Variants in SLC4A8 observed in about 807,000 individuals in gnomAD.
The protein encoded by SLC4A8 is solute carrier family 4 member 8.
In SLC4A8, 40 loss-of-function variants were observed where a neutral mutation model predicts 125.0. The observed-to-expected ratio is 0.32, with a 90% confidence interval of 0.25 to 0.42. The LOEUF is 0.42. Ranked by LOEUF, SLC4A8 falls within the 10% of genes least tolerant of loss-of-function variation. SLC4A8 has a pLI of 1.00. For synonymous variants in SLC4A8, 456 were observed against 476.0 expected, an observed-to-expected ratio of 0.96 and a Z score of 0.55; for missense variants, 863 against 1,355.1, an observed-to-expected ratio of 0.64 and a Z score of 5.70.
chr12:51,440,624 C>A, intron 1 of SLC4A8, 84 bp from the exon 2 acceptor site: 2 of 1,022,470 alleles, frequency 2.0e-6, no homozygotes, highest in Non-Finnish European at 1.5e-6. Context: ...CCGTAAGTAT[C>A]TCAAAAGGAT....
chr12:51,430,449 A>G (rs1949151501), intron 1 of SLC4A8, among the ~76,000 whole-genome samples: 1 of 152,134 alleles, frequency 6.6e-6, no homozygotes, highest in Non-Finnish European at 1.5e-5. Context: ...TCAACTGTAG[A>G]TAGCAGTTTC....
Position 51,505,877 on chromosome 12 carries a change from A to G in SLC4A8, c.3216A>G (p.Lys1072=). 6.3e-7 allele frequency: 1 copy of G among 1,591,890 alleles called. No homozygotes were observed. Among genetic ancestry groups the G allele is most frequent in the East Asian group, 2.2e-5 (1 of 44,794 alleles). The change falls in exon 24 of 25, where the codon AAA becomes AAG. Residue 1072 remains lysine, a synonymous_variant. Coordinates refer to ENST00000453097, the MANE Select transcript of SLC4A8 (RefSeq NM_001039960.3). ...SEINISDEMP[K]TTVWKALSMN... is the part of the protein sequence containing the mutation. ...TTAATATATCTGATGAAATGCCTAA[A>G]ACTACAGTTTGGAAAGCTCTCAGTA...
chr12:51,403,271 G>A (rs1948427330), intron 1 of SLC4A8: 1 of 456,208 alleles, frequency 2.2e-6, no homozygotes, highest in Admixed American at 2.4e-5. Context: ...CTGAACAGAA[G>A]GATCAGTGGA....
rs1013283062 is a variant in SLC4A8 at position 51,514,670 on chromosome 12, T to C, written c.*7232T>C. 5.3e-5 allele frequency: 8 copies of C among 152,174 alleles called. No homozygotes were observed. The highest frequency in any genetic ancestry group is 1.0e-4 in the Non-Finnish European group (7 of 68,036). 9.4% of individuals were successfully genotyped at this position (152,174 alleles called of 1,614,324 possible). On this transcript the variant is annotated 3_prime_UTR_variant, in exon 25 of 25. Coordinates refer to ENST00000453097, the MANE Select transcript of SLC4A8 (RefSeq NM_001039960.3). ...CAGAAAAGCACATCTCAAAGCCAAA[T>C]AGAAATGATTTTCTACTAAGCCTAT...
chr12:51,474,426 C>T lies in SLC4A8; in HGVS notation c.1989C>T (p.His663=), dbSNP rs766807602. The change falls in exon 15 of 25, where the codon CAC becomes CAT. Residue 663 remains histidine, a synonymous_variant. Transcript: ENST00000453097. ...ACAACATCGTGACAGCAGAAGTCCA[C>T]TGGGCTAACCTGACTGTCAGTGTAA... ...KDHNIVTAEV[H]WANLTVSECQ... The T allele has an allele frequency of 1.2e-6, 2 of 1,613,602 alleles. No individual in the cohort carries two copies. Among genetic ancestry groups the T allele is most frequent in the Admixed American group, 1.7e-5 (1 of 60,014 alleles).
intron 1 of SLC4A8, among the ~76,000 whole-genome samples, chr12:51,410,645 A>C (rs866666626): frequency 2.6e-5 from 4 of 152,034 alleles, no homozygotes; most frequent in Non-Finnish European, 5.9e-5. Flanking sequence ...TTTTTAGTAG[A>C]GACGGGGTTT....
chr12:51,432,270 G>C (rs1424920505), intron 1 of SLC4A8, among the ~76,000 whole-genome samples: 2 of 151,720 alleles, frequency 1.3e-5, no homozygotes, highest in South Asian at 4.2e-4. Context: ...AATTAGCCGG[G>C]TGTGGTGGCG....
intron 22 of SLC4A8, among the ~76,000 whole-genome samples, chr12:51,501,064 C>A (rs1443827377): frequency 1.3e-5 from 2 of 152,124 alleles, no homozygotes; most frequent in East Asian, 3.8e-4. Flanking sequence ...CTCCTGACCT[C>A]GTGATCCGCC....
At chr12:51,440,299 C>A (rs1949552647) in intron 1 of SLC4A8, among the ~76,000 whole-genome samples, 1 of 152,144 alleles carries the variant, frequency 6.6e-6, no homozygotes, top group East Asian at 1.9e-4. Context: ...CTAGTAATCC[C>A]AGCTGCTCTG....
intron 1 of SLC4A8, among the ~76,000 whole-genome samples, chr12:51,396,267 G>T (rs1458558528): frequency 6.6e-6 from 1 of 152,118 alleles, no homozygotes; most frequent in Non-Finnish European, 1.5e-5. Context: ...TGCTCCATGT[G>T]TTAGCCTCTA....
intron 22 of SLC4A8, among the ~76,000 whole-genome samples, chr12:51,503,458 A>G (rs982766469): frequency 5.9e-5 from 9 of 151,782 alleles, no homozygotes; most frequent in African/African-American, 2.2e-4. Flanking sequence ...TGATCTGCCC[A>G]CCTCAGCCTC....
At chr12:51,396,683 A>T (rs1003692063) in intron 1 of SLC4A8, among the ~76,000 whole-genome samples, 14 of 2,508 alleles carry the variant, frequency 5.6e-3, no homozygotes, top group East Asian at 0.035. Flanking sequence ...TCTTTATTTA[A>T]AAAAAAAAAA....
In SLC4A8 at chr12:51,459,158, C is replaced by G. The variant is rs564251958; in HGVS notation, c.855+508C>G. Among the ~76,000 whole-genome samples, 10 of 152,306 alleles carry G rather than the reference C, an allele frequency of 6.6e-5. No homozygotes were observed. In the East Asian group the frequency reaches 1.9e-3, roughly 29 times the overall value. On this transcript the variant is annotated intron_variant, in intron 7 of 24. Transcript: ENST00000453097. ...TCTCCCTGCCTCCAGCCTCTCCTTG[C>G]TCTGGTCTATCTTTGACACTGTGTT... is the stretch of plus-strand genomic sequence containing the variant.
chr12:51,478,230 G>A (rs185515043), intron 16 of SLC4A8, among the ~76,000 whole-genome samples: 12 of 150,702 alleles, frequency 8.0e-5, no homozygotes, highest in South Asian at 2.1e-4. Flanking sequence ...AGCCAAGATC[G>A]TGCCACTGCA....
intron 11 of SLC4A8, among the ~76,000 whole-genome samples, chr12:51,468,251 G>T (rs549745517): frequency 4.6e-5 from 7 of 152,286 alleles, no homozygotes; most frequent in African/African-American, 1.7e-4. Flanking sequence ...TCATCTTTGA[G>T]AAGAGGAGAG....
chr12:51,469,597 C>A lies in SLC4A8; in HGVS notation c.1350-17C>A. On this transcript the variant is annotated splice_polypyrimidine_tract_variant and intron_variant, in intron 11 of 24. Transcript: ENST00000453097. ...AAGACGGACTGTGTTAGAAGCCTGT[C>A]TGTTGTGTTTCCACAGGCTATTTGG... 6.2e-7 allele frequency: 1 copy of A among 1,610,514 alleles called. No individual in the cohort carries two copies. Among genetic ancestry groups the A allele is most frequent in the South Asian group, 1.1e-5 (1 of 90,894 alleles).
chr12:51,415,460 A>G (rs1592149384), intron 1 of SLC4A8, among the ~76,000 whole-genome samples: 2 of 152,178 alleles, frequency 1.3e-5, no homozygotes, highest in East Asian at 3.9e-4. Flanking sequence ...TTCCCGGTTC[A>G]ATCTTGGTAG....
chr12:51,468,522 G>A (rs1053413623), intron 11 of SLC4A8, among the ~76,000 whole-genome samples: 2 of 152,204 alleles, frequency 1.3e-5, no homozygotes, highest in Non-Finnish European at 2.9e-5. Flanking sequence ...CACTTTGGGA[G>A]GCCAAGGCGA....
At chr12:51,451,045 CG>C (rs1367901021) in intron 3 of SLC4A8, 23 bp downstream of exon 3, 5 of 1,452,616 alleles carry the variant, frequency 3.4e-6, no homozygotes, top group Non-Finnish European at 4.5e-6. Flanking sequence ...GGAGACAGGG[CG>C]GGTGTCCATG....
Sources: gnomAD v4.1 joint callset for allele counts (sites outside exome capture counted in the v4.1 genomes callset) on GRCh38, gnomAD v4.1.1 for gene constraint, MANE v1.5 for transcripts, NCBI Gene and HGNC (gene_info 2026-07-23, HGNC 2026-07-21) for gene names.